ADAMTS6: variants seen among roughly 807,000 people sequenced by gnomAD.
ADAMTS6 encodes ADAM metallopeptidase with thrombospondin type 1 motif 6, also known as A disintegrin and metalloproteinase with thrombospondin motifs 6.
ADAMTS6 carries 23 observed loss-of-function variants against 144.3 expected under a neutral mutation model. The observed-to-expected ratio is 0.16, with a 90% confidence interval of 0.11 to 0.23. ADAMTS6 has a LOEUF of 0.23. Among genes scored for constraint, ADAMTS6 ranks in the 10% least tolerant of loss-of-function variants. The pLI, the probability that ADAMTS6 is intolerant of heterozygous loss-of-function variation, is 1.00. For synonymous variants in ADAMTS6, 444 were observed against 457.5 expected, an observed-to-expected ratio of 0.97 and a Z score of 0.38; for missense variants, 999 against 1,379.6, an observed-to-expected ratio of 0.72 and a Z score of 4.37.
At chr5:65,348,759 A>G (rs1026390232) in intron 7 of ADAMTS6, among the ~76,000 whole-genome samples, 3 of 152,122 alleles carry the variant, frequency 2.0e-5, no homozygotes, top group African/African-American at 7.2e-5. Context: ...ATTGTACGCC[A>G]TAAATATATA....
chr5:65,200,143 C>T (rs138616539), intron 20 of ADAMTS6, among the ~76,000 whole-genome samples: 276 of 152,210 alleles, frequency 1.8e-3, no homozygotes, highest in African/African-American at 6.3e-3. Flanking sequence ...TACTATCTTC[C>T]TCCAACAGCA....
At chr5:65,192,998 G>A (rs1416761046) in intron 21 of ADAMTS6, among the ~76,000 whole-genome samples, 9 of 151,690 alleles carry the variant, frequency 5.9e-5, no homozygotes, top group Non-Finnish European at 1.3e-4. Flanking sequence ...AATACTTTCT[G>A]ATAAAAAATA....
chr5:65,197,803 C>T lies in ADAMTS6; in HGVS notation c.2576-652G>A, dbSNP rs371222151. Among the ~76,000 whole-genome samples, 8 of 152,238 alleles carry T rather than the reference C, an allele frequency of 5.3e-5. No individual in the cohort carries two copies. The East Asian group carries it at 9.6e-4, about 18-fold the overall frequency. On this transcript the variant is annotated intron_variant, in intron 20 of 24. Coordinates refer to ENST00000381055, the MANE Select transcript of ADAMTS6 (RefSeq NM_197941.4). ...TATACCACTGTCAAATACATACATA[C>T]ACAGTTCATTCAAATATTAATTTAT...
chr5:65,451,834 A>AG (rs1758764104), intron 6 of ADAMTS6, among the ~76,000 whole-genome samples: 2 of 152,194 alleles, frequency 1.3e-5, no homozygotes, highest in African/African-American at 4.8e-5. Flanking sequence ...TGATAATGTG[A>AG]ACATATGTGA....
At chr5:65,311,928 T>C (rs1233974076) in intron 9 of ADAMTS6, among the ~76,000 whole-genome samples, 1 of 152,112 alleles carries the variant, frequency 6.6e-6, no homozygotes, top group Non-Finnish European at 1.5e-5. Flanking sequence ...TCTTAATTTT[T>C]AAACTGAAGA....
At chr5:65,334,156 C>T in intron 7 of ADAMTS6, 71 bp from the exon 8 acceptor site, 1 of 1,448,430 alleles carries the variant, frequency 6.9e-7, no homozygotes, top group Non-Finnish European at 9.2e-7. Flanking sequence ...ATTCATCATA[C>T]TTCTCTCCTG....
At chr5:65,220,298 T>A (rs1430375064) in intron 18 of ADAMTS6, among the ~76,000 whole-genome samples, 2 of 152,162 alleles carry the variant, frequency 1.3e-5, no homozygotes, top group African/African-American at 4.8e-5. Flanking sequence ...AAATAAAATG[T>A]ATCATATGTC....
rs781574260 is a variant in ADAMTS6, at chr5:65,214,915, C to T, written c.2454G>A (p.Gln818=). ...NLIVMVLLQE[Q]NLGIRYKFNV... The stretch of plus-strand genomic sequence containing the variant: ...TGAACTTATACCTAATTCCCAAATT[C>T]TGTTCTTGAAGCAGAACCTGCCATT... The change falls in exon 20 of 25, where the codon CAG becomes CAA. Residue 818 remains glutamine (Q), a synonymous_variant. Transcript: ENST00000381055. This position sits in a 1 kb window ranked among gnomAD's most constrained non-coding sequence, Gnocchi z 4.6. 2 of 1,613,892 alleles carry T rather than the reference C, an allele frequency of 1.2e-6. No homozygotes were observed. The highest frequency in any genetic ancestry group is 1.7e-6 in the Non-Finnish European group (2 of 1,179,896).
chr5:65,269,196 A>G (rs573952851), intron 12 of ADAMTS6, among the ~76,000 whole-genome samples: 1 of 152,360 alleles, frequency 6.6e-6, no homozygotes, highest in Non-Finnish European at 1.5e-5. Context: ...CTCTAGTAAT[A>G]TGTTAGCACT....
At chr5:65,466,697 T>C (rs1434399562) in intron 3 of ADAMTS6, among the ~76,000 whole-genome samples, 3 of 152,194 alleles carry the variant, frequency 2.0e-5, no homozygotes, top group East Asian at 1.9e-4. Context: ...TAACTAGCTA[T>C]ATGGTCTTTA....
At chr5:65,178,028 G>T (rs1754090506) in intron 22 of ADAMTS6, among the ~76,000 whole-genome samples, 1 of 152,132 alleles carries the variant, frequency 6.6e-6, no homozygotes, top group African/African-American at 2.4e-5. Flanking sequence ...CTCACGACAG[G>T]GAGGAAACTT....
intron 16 of ADAMTS6, among the ~76,000 whole-genome samples, 170 bp from the exon 17 acceptor site, chr5:65,225,217 ATAC>A (rs1561299178): frequency 6.6e-6 from 1 of 152,208 alleles, no homozygotes; most frequent in Non-Finnish European, 1.5e-5. Context: ...AAAAACTTGA[ATAC>A]TACTACAAAA....
intron 20 of ADAMTS6, chr5:65,210,631 T>A (rs1447368279): frequency 1.6e-6 from 1 of 607,168 alleles, no homozygotes; most frequent in Non-Finnish European, 3.0e-6. Context: ...GGATGGAGGC[T>A]TGTCTATCCC....
chr5:65,320,508 A>G (rs960596894), intron 9 of ADAMTS6, among the ~76,000 whole-genome samples: 6 of 152,106 alleles, frequency 3.9e-5, no homozygotes, highest in African/African-American at 1.2e-4. Flanking sequence ...ATAACATTAA[A>G]TATACAAACT....
chr5:65,440,526 CA>C (rs1193724598), intron 7 of ADAMTS6, among the ~76,000 whole-genome samples: 1 of 152,224 alleles, frequency 6.6e-6, no homozygotes, highest in East Asian at 1.9e-4. Flanking sequence ...TTAAAATTTA[CA>C]GGACTAAGTA....
intron 14 of ADAMTS6, among the ~76,000 whole-genome samples, chr5:65,247,451 T>A (rs1348321356): frequency 1.3e-5 from 2 of 152,156 alleles, no homozygotes; most frequent in Admixed American, 1.3e-4. Flanking sequence ...GGGGTTCTAA[T>A]CCTGGTTTTG....
intron 3 of ADAMTS6, among the ~76,000 whole-genome samples, chr5:65,470,044 G>C (rs755658257): frequency 1.3e-5 from 2 of 152,094 alleles, no homozygotes; most frequent in Non-Finnish European, 2.9e-5. Context: ...AAATGCCCAG[G>C]ATAAACCCTG....
intron 18 of ADAMTS6, among the ~76,000 whole-genome samples, chr5:65,219,122 C>G (rs1339561254): frequency 1.3e-5 from 2 of 152,076 alleles, no homozygotes; most frequent in African/African-American, 4.8e-5. Flanking sequence ...AGATGGTAGG[C>G]TTAAACCCAA....
chr5:65,185,373 G>A (rs1424575454), intron 22 of ADAMTS6, among the ~76,000 whole-genome samples: 1 of 152,198 alleles, frequency 6.6e-6, no homozygotes, highest in East Asian at 1.9e-4. Flanking sequence ...TTTTCCTCTT[G>A]AACAAGGGAT....
Sources: gnomAD v4.1 joint callset for allele counts (sites outside exome capture counted in the v4.1 genomes callset) on GRCh38, gnomAD v4.1.1 for gene constraint, Gnocchi (gnomAD v3.1) non-coding constraint, MANE v1.5 for transcripts, NCBI Gene and HGNC (gene_info 2026-07-23, HGNC 2026-07-21) for gene names.